Variants in RNF34 observed in about 807,000 individuals in gnomAD.
RNF34 encodes the protein ring finger protein 34.
In RNF34, 12 loss-of-function variants were observed where a neutral mutation model predicts 37.9. That is an observed-to-expected ratio of 0.32 (90% CI 0.20 to 0.51). RNF34 has a LOEUF of 0.51. RNF34 is among the 20% of genes least tolerant of loss of function. The probability of loss-of-function intolerance (pLI) is 0.97; values close to 1 mark genes in which losing one functional copy is unlikely to be tolerated. For synonymous variants in RNF34, 155 were observed against 177.2 expected (o/e 0.87, Z 1.00); for missense variants, 362 against 472.7 (o/e 0.77, Z 2.17).
intron 1 of RNF34, among the ~76,000 whole-genome samples, chr12:121,403,219 AC>A (rs1870164623): frequency 1.3e-5 from 2 of 152,182 alleles, no homozygotes; most frequent in African/African-American, 4.8e-5. Context: ...ACACAGTGAA[AC>A]CCTGTCTCTA....
Position 121,420,283 on chromosome 12 carries a change from T to TGAC in RNF34, c.681_683dup (p.Asp229dup). ...CTTCAGCAAACACAGAAGATGATGATGACGACGATGATGAGGATGATGATG... is the reference window on the plus strand; with the variant it reads ...CTTCAGCAAACACAGAAGATGATGATGACGACGACGATGATGAGGATGATGATG... On this transcript the variant is annotated inframe_insertion, in exon 4 of 6. Transcript: ENST00000361234. 6.3e-6 allele frequency: 10 copies of TGAC among 1,595,398 alleles called. No homozygotes were observed. The highest frequency in any genetic ancestry group is 8.5e-6 in the Non-Finnish European group (10 of 1,170,378).
Position 121,417,806 on chromosome 12 carries a change from A to G in RNF34, c.528A>G (p.Thr176=), listed in dbSNP as rs782239539. The G allele has an allele frequency of 3.7e-6, 6 of 1,614,112 alleles. No individual in the cohort carries two copies. The highest frequency in any genetic ancestry group is 1.6e-4 in the Middle Eastern group (1 of 6,062). ...GGTCCCAGACTTCTAGCTTTTTTACACGTTCGTTTTTTTCAAACTATACAG... is the reference window on the plus strand; with the variant it reads ...GGTCCCAGACTTCTAGCTTTTTTACGCGTTCGTTTTTTTCAAACTATACAG... ...SSRSQTSSFF[T]RSFFSNYTAP... The change falls in exon 3 of 6, where the codon ACA becomes ACG. Residue 176 remains threonine, a synonymous_variant. Transcript: ENST00000361234. This position sits in a 1 kb window ranked among gnomAD's most constrained non-coding sequence, Gnocchi z 5.0.
At chr12:121,422,932 C>T (rs1555283645) in intron 5 of RNF34, among the ~76,000 whole-genome samples, 1 of 152,112 alleles carries the variant, frequency 6.6e-6, no homozygotes, top group African/African-American at 2.4e-5. Context: ...ACTAAGGCTC[C>T]TTTTCCTACT....
At chr12:121,400,257 A>G (rs1241909376) in intron 1 of RNF34, 39 bp downstream of exon 1, 1 of 1,603,714 alleles carries the variant, frequency 6.2e-7, no homozygotes, top group Non-Finnish European at 8.5e-7. Context: ...CTCCTCGCCA[A>G]TCCTATCCTG....
chr12:121,415,506 C>T (rs1181681414), intron 1 of RNF34, among the ~76,000 whole-genome samples: 10 of 151,998 alleles, frequency 6.6e-5, no homozygotes, highest in African/African-American at 2.4e-4. Flanking sequence ...ATCCTAGTTA[C>T]TCGGGAGGCT....
chr12:121,420,511 A>G (rs1485317711), intron 4 of RNF34, 66 bp from the exon 5 acceptor site: 1 of 1,582,612 alleles, frequency 6.3e-7, no homozygotes, highest in Non-Finnish European at 8.7e-7. Context: ...AGGGCCAGTG[A>G]TGAGTTTAGA....
chr12:121,416,329 C>T lies in RNF34; in HGVS notation c.177C>T (p.Asn59=). 6.2e-7 allele frequency: 1 copy of T among 1,614,110 alleles called. No homozygotes were observed. Among genetic ancestry groups the T allele is most frequent in the Non-Finnish European group, 8.5e-7 (1 of 1,179,998 alleles). The change falls in exon 2 of 6, where the codon AAC becomes AAT. Residue 59 remains asparagine (N), a synonymous_variant. Transcript: ENST00000361234. ...CACCAGCAGCTACGGAAGGGCCCAACATAGTTTGTAAAGCCTGTGGGCTTT... is the reference window on the plus strand; with the variant it reads ...CACCAGCAGCTACGGAAGGGCCCAATATAGTTTGTAAAGCCTGTGGGCTTT... ...TYPPAATEGP[N]IVCKACGLSF...
At position 121,417,619 on chromosome 12, in the gene RNF34, A is replaced by T; in HGVS notation, c.341A>T (p.Gln114Leu). 1 of 1,614,222 alleles carries T rather than the reference A, an allele frequency of 6.2e-7. No homozygotes were observed. The highest frequency in any genetic ancestry group is 8.5e-7 in the Non-Finnish European group (1 of 1,180,030). ...LLQETAFQRP[Q>L]LMRLKVKDLR... ...CAAGAGACAGCATTTCAGCGCCCTCAGTTAATGCGACTGAAGGTGAAGGAC... is the reference window on the plus strand; with the variant it reads ...CAAGAGACAGCATTTCAGCGCCCTCTGTTAATGCGACTGAAGGTGAAGGAC... Residue 114 changes from glutamine to leucine, a missense_variant, in exon 3 of 6, where the codon CAG (glutamine) becomes CTG (leucine). Physicochemically the swap from Gln to Leu is moderately radical, Grantham distance 113. Transcript: ENST00000361234. This position sits in a 1 kb window ranked among gnomAD's most constrained non-coding sequence, Gnocchi z 5.0.
At chr12:121,406,327 G>A (rs574871411) in intron 1 of RNF34, among the ~76,000 whole-genome samples, 8 of 135,162 alleles carry the variant, frequency 5.9e-5, no homozygotes, top group East Asian at 2.5e-4. Context: ...TTGCTGTGTC[G>A]CCCAGGCTGG....
chr12:121,420,391 AGT>A (rs1469398796), intron 4 of RNF34, 57 bp downstream of exon 4: 2 of 1,554,176 alleles, frequency 1.3e-6, no homozygotes, highest in Admixed American at 3.9e-5. Flanking sequence ...AGGAAGGGAC[AGT>A]GCCCTGTGGA....
intron 1 of RNF34, 96 bp from the exon 2 acceptor site, chr12:121,416,062 AG>A: frequency 2.2e-6 from 2 of 929,446 alleles, no homozygotes; most frequent in Admixed American, 4.3e-5. Flanking sequence ...AAAGTTATTG[AG>A]GGCAAACTTA....
Position 121,423,816 on chromosome 12 carries a change from GAACACTCAT to G in RNF34, c.*241_*249del, listed in dbSNP as rs1872369896. On this transcript the variant is annotated 3_prime_UTR_variant, in exon 6 of 6. Transcript: ENST00000361234. This position sits in a 1 kb window ranked among gnomAD's most constrained non-coding sequence, Gnocchi z 4.3. ...AGCTGGGCTTTATCACACATCCCGT[GAACACTCAT>G]TGAAGTCAGCCTGTTTGCGCCATGT... 2.1e-6 allele frequency: 1 copy of G among 469,062 alleles called. No individual in the cohort carries two copies. Among genetic ancestry groups the G allele is most frequent in the Admixed American group, 3.8e-5 (1 of 26,256 alleles). The allele number at this position is 469,062 out of a possible 1,614,324, so 29.1% of individuals were successfully genotyped here. A position where few individuals can be genotyped will look rare whatever the true frequency, so the allele number is the denominator to read the frequency against.
Position 121,417,864 on chromosome 12 carries a change from G to C in RNF34, c.586G>C (p.Glu196Gln), listed in dbSNP as rs1555282529. 2 of 1,614,120 alleles carry C rather than the reference G, an allele frequency of 1.2e-6. No individual in the cohort carries two copies. Among genetic ancestry groups the C allele is most frequent in the Non-Finnish European group, 1.7e-6 (2 of 1,180,030 alleles). ...PSATMSSFQGELMDGDQTSRS... is the reference protein window; with the variant it reads ...PSATMSSFQGQLMDGDQTSRS... ...TGCTACTATGTCTTCGTTTCAGGGAGAGCTTATGGATGGAGACCAAACATC... is the reference window on the plus strand; with the variant it reads ...TGCTACTATGTCTTCGTTTCAGGGACAGCTTATGGATGGAGACCAAACATC... Residue 196 changes from glutamate (E) to glutamine (Q), a missense_variant, in exon 3 of 6, where the codon GAG becomes CAG. Coordinates refer to ENST00000361234, the MANE Select transcript of RNF34 (RefSeq NM_025126.4). The surrounding 1 kb of genome is among the most constrained non-coding windows in gnomAD (Gnocchi z 5.0).
In RNF34 at chr12:121,424,029, T is replaced by G. The variant is rs1236333984; in HGVS notation, c.*453T>G. 6.5e-6 allele frequency: 1 copy of G among 154,648 alleles called. No homozygotes were observed. Among genetic ancestry groups the G allele is most frequent in the Non-Finnish European group, 1.4e-5 (1 of 69,478 alleles). The allele number at this position is 154,648 out of a possible 1,614,324, so 9.6% of individuals were successfully genotyped here. The stretch of plus-strand genomic sequence containing the variant: ...GCAGTGGCTCCTCTGAATGTTCACT[T>G]TATTAGTCATGTATATTTTAAATGC... On this transcript the variant is annotated 3_prime_UTR_variant, in exon 6 of 6. Coordinates refer to ENST00000361234, the MANE Select transcript of RNF34 (RefSeq NM_025126.4).
chr12:121,412,990 A>G (rs1488652173), intron 1 of RNF34, among the ~76,000 whole-genome samples: 1 of 150,612 alleles, frequency 6.6e-6, no homozygotes, highest in Non-Finnish European at 1.5e-5. Flanking sequence ...AAGTGCTGGG[A>G]TTACAGGCAT....
chr12:121,417,812 G>A lies in RNF34; in HGVS notation c.534G>A (p.Ser178=), dbSNP rs782316300. The part of the protein sequence containing the change: ...RSQTSSFFTR[S]FFSNYTAPSA... ...AGACTTCTAGCTTTTTTACACGTTC[G>A]TTTTTTTCAAACTATACAGCCCCCT... is the stretch of plus-strand genomic sequence containing the variant. Residue 178 remains serine, a synonymous_variant, in exon 3 of 6, where the codon TCG becomes TCA. Transcript: ENST00000361234. The surrounding 1 kb of genome is among the most constrained non-coding windows in gnomAD (Gnocchi z 5.0). The A allele has an allele frequency of 2.9e-5, 47 of 1,613,948 alleles. No homozygotes were observed. The highest frequency in any genetic ancestry group is 1.2e-4 in the African/African-American group (9 of 74,874).
intron 1 of RNF34, among the ~76,000 whole-genome samples, chr12:121,405,276 G>C (rs920386473): frequency 5.9e-5 from 9 of 152,132 alleles, no homozygotes; most frequent in African/African-American, 2.2e-4. Context: ...TTTCAGTGAA[G>C]GAACTGACAT....
intron 1 of RNF34, among the ~76,000 whole-genome samples, chr12:121,411,285 T>A (rs569484009): frequency 1.1e-4 from 17 of 152,292 alleles, no homozygotes; most frequent in Admixed American, 1.0e-3. Flanking sequence ...CTTCATTTTC[T>A]TTCTGGGGAA....
At chr12:121,420,847 G>T (rs1189581331) in intron 5 of RNF34, 69 bp downstream of exon 5, 4 of 1,191,174 alleles carry the variant, frequency 3.4e-6, no homozygotes, top group Admixed American at 1.8e-5. Context: ...GGTTGTTTTT[G>T]TCACAATTAA....
Sources: gnomAD v4.1 joint callset for allele counts (sites outside exome capture counted in the v4.1 genomes callset) on GRCh38, gnomAD v4.1.1 for gene constraint, Gnocchi (gnomAD v3.1) non-coding constraint, MANE v1.5 for transcripts, NCBI Gene and HGNC (gene_info 2026-07-23, HGNC 2026-07-21) for gene names.